The following SCCPDH variants were observed in gnomAD, a reference collection of about 807,000 sequenced individuals.
SCCPDH encodes the protein saccharopine dehydrogenase-like oxidoreductase.
In SCCPDH, 34 loss-of-function variants were observed where a neutral mutation model predicts 51.5. The ratio of observed to expected loss-of-function variants is 0.66; its 90% confidence interval spans 0.50 to 0.88. The LOEUF is 0.88. Among genes scored for constraint, SCCPDH ranks in the 40% least tolerant of loss-of-function variants. SCCPDH has a pLI of 0.00. For missense variants in SCCPDH, 464 were observed against 527.1 expected (o/e 0.88, Z 1.17); for synonymous variants, 187 against 191.3 (o/e 0.98, Z 0.19).
rs143302584 is a variant in SCCPDH at position 246,750,269 on chromosome 1, A to G, written c.564+6144A>G. Reference sequence around the variant, plus strand: ...GGGGGGTACCTGTGCTGAAAGACCTATAGTTCTGAGGGACGAGAAAGTGGA... The same window carrying G: ...GGGGGGTACCTGTGCTGAAAGACCTGTAGTTCTGAGGGACGAGAAAGTGGA... On this transcript the variant is annotated intron_variant, in intron 5 of 11. Transcript: ENST00000366510. Among the ~76,000 whole-genome samples, 704 of 152,298 alleles carry G rather than the reference A, an allele frequency of 4.6e-3. 6 individuals carry two copies. The highest frequency in any genetic ancestry group is 0.016 in the African/African-American group (659 of 41,546).
chr1:246,725,896 C>T (rs1472531200), intron 1 of SCCPDH, among the ~76,000 whole-genome samples: 1 of 152,132 alleles, frequency 6.6e-6, no homozygotes, highest in Non-Finnish European at 1.5e-5. Flanking sequence ...TCTTATGAGC[C>T]TGTGTGTGTT....
chr1:246,733,710 C>G (rs146839592), intron 2 of SCCPDH, among the ~76,000 whole-genome samples: 2 of 152,180 alleles, frequency 1.3e-5, no homozygotes, highest in East Asian at 3.9e-4. Flanking sequence ...ATTGAGGTGT[C>G]TGCTAGATAC....
chr1:246,730,664 A>G (rs1426048949), intron 2 of SCCPDH, among the ~76,000 whole-genome samples: 1 of 152,228 alleles, frequency 6.6e-6, no homozygotes, highest in Non-Finnish European at 1.5e-5. Flanking sequence ...TTTTGTAAAC[A>G]TTAACATGGA....
intron 4 of SCCPDH, among the ~76,000 whole-genome samples, chr1:246,743,234 G>T (rs909624957): frequency 1.3e-5 from 2 of 152,006 alleles, no homozygotes; most frequent in African/African-American, 4.8e-5. Context: ...CTAGTAGGGT[G>T]GTAGTAGTAG....
chr1:246,750,637 A>G (rs897460447), intron 5 of SCCPDH, among the ~76,000 whole-genome samples: 1 of 152,246 alleles, frequency 6.6e-6, no homozygotes, highest in Admixed American at 6.5e-5. Context: ...GAGTCCTATT[A>G]TCTGAGTCAA....
At chr1:246,762,475 C>G (rs927760473) in intron 9 of SCCPDH, among the ~76,000 whole-genome samples, 1 of 152,170 alleles carries the variant, frequency 6.6e-6, no homozygotes, top group Admixed American at 6.5e-5. Context: ...CAAAATCTGA[C>G]CTTGTCATTG....
chr1:246,748,323 G>A (rs568527166), intron 5 of SCCPDH, among the ~76,000 whole-genome samples: 5 of 152,228 alleles, frequency 3.3e-5, no homozygotes, highest in African/African-American at 4.8e-5. Context: ...CTAGCCACCC[G>A]GAGAAAGGGT....
intron 2 of SCCPDH, among the ~76,000 whole-genome samples, chr1:246,727,534 A>C (rs1011176240): frequency 6.6e-6 from 1 of 152,222 alleles, no homozygotes; most frequent in Non-Finnish European, 1.5e-5. Context: ...AGACAGAAAA[A>C]TAGGATTGTA....
chr1:246,743,692 A>G (rs1290159139), intron 4 of SCCPDH, among the ~76,000 whole-genome samples: 3 of 152,166 alleles, frequency 2.0e-5, no homozygotes, highest in Non-Finnish European at 2.9e-5. Flanking sequence ...TGTGTCCTAA[A>G]GAGCCTCCCA....
At chr1:246,747,374 GA>G (rs2102986257) in intron 5 of SCCPDH, among the ~76,000 whole-genome samples, 1 of 152,276 alleles carries the variant, frequency 6.6e-6, no homozygotes, top group East Asian at 1.9e-4. Flanking sequence ...CAGAAAATCT[GA>G]GACAGGTTTC....
intron 1 of SCCPDH, among the ~76,000 whole-genome samples, chr1:246,726,474 G>A (rs182589829): frequency 1.1e-3 from 161 of 151,968 alleles, no homozygotes; most frequent in Non-Finnish European, 1.7e-3. Flanking sequence ...CTGAGGTCAA[G>A]AGATCCTTGC....
intron 4 of SCCPDH, among the ~76,000 whole-genome samples, chr1:246,743,356 G>A (rs1042310901): frequency 6.6e-6 from 1 of 151,726 alleles, no homozygotes; most frequent in Non-Finnish European, 1.5e-5. Flanking sequence ...AAGCCGAGGT[G>A]GGCAGATCAC....
At chr1:246,741,804 C>T (rs936831044) in intron 4 of SCCPDH, among the ~76,000 whole-genome samples, 4 of 152,148 alleles carry the variant, frequency 2.6e-5, no homozygotes, top group African/African-American at 4.8e-5. Flanking sequence ...CGGTGGCTCA[C>T]GCCTGTAATC....
chr1:246,748,881 C>G (rs535741533), intron 5 of SCCPDH, among the ~76,000 whole-genome samples: 1 of 152,164 alleles, frequency 6.6e-6, no homozygotes, highest in Non-Finnish European at 1.5e-5. Flanking sequence ...AATAGTCCCC[C>G]GCAATACCAC....
chr1:246,762,127 G>C (rs1470169031), intron 9 of SCCPDH, among the ~76,000 whole-genome samples: 19 of 152,108 alleles, frequency 1.2e-4, no homozygotes, highest in Admixed American at 1.2e-3. Context: ...GATTATTAGT[G>C]TTGAACATCT....
At chr1:246,724,947 C>A (rs1413126607) in intron 1 of SCCPDH, among the ~76,000 whole-genome samples, 1 of 152,106 alleles carries the variant, frequency 6.6e-6, no homozygotes, top group East Asian at 1.9e-4. Flanking sequence ...CTGCTTCATC[C>A]TGCCCCGCAG....
At chr1:246,733,693 T>C (rs928121493) in intron 2 of SCCPDH, among the ~76,000 whole-genome samples, 19 of 152,076 alleles carry the variant, frequency 1.2e-4, no homozygotes, top group African/African-American at 4.6e-4. Flanking sequence ...GTTTTAGACT[T>C]GTTGAAATTG....
intron 2 of SCCPDH, among the ~76,000 whole-genome samples, chr1:246,735,247 C>T (rs1349997850): frequency 6.6e-6 from 1 of 152,208 alleles, no homozygotes; most frequent in East Asian, 1.9e-4. Context: ...CCTGCCTTTT[C>T]AGACCCATCT....
intron 11 of SCCPDH, 93 bp from the exon 12 acceptor site, chr1:246,767,102 C>A: frequency 1.3e-6 from 1 of 786,186 alleles, no homozygotes; most frequent in Non-Finnish European, 1.9e-6. Context: ...CTTGGGTTTT[C>A]AGGGGTTCTG....
Sources: allele counts gnomAD v4.1 joint callset (sites outside exome capture counted in the v4.1 genomes callset), GRCh38; gene constraint gnomAD v4.1.1; transcripts MANE v1.5; gene names NCBI Gene and HGNC (gene_info 2026-07-23, HGNC 2026-07-21).